MYO5A: variants seen among roughly 807,000 people sequenced by gnomAD.
MYO5A encodes unconventional myosin-Va.
Under a neutral mutation model 249.7 loss-of-function variants are expected in MYO5A, and 98 were observed. That is an observed-to-expected ratio of 0.39 (90% CI 0.33 to 0.46). The LOEUF is 0.46. Ranked by LOEUF, MYO5A falls within the 20% of genes least tolerant of loss-of-function variation. MYO5A has a pLI of 0.98. For synonymous variants in MYO5A, 778 were observed against 810.6 expected, an observed-to-expected ratio of 0.96 and a Z score of 0.68; for missense variants, 1,696 against 2,308.8, an observed-to-expected ratio of 0.73 and a Z score of 5.44.
intron 27 of MYO5A, among the ~76,000 whole-genome samples, chr15:52,352,102 C>A (rs762654018): frequency 1.3e-5 from 2 of 152,174 alleles, no homozygotes; most frequent in African/African-American, 2.4e-5. Context: ...GTGGGCAGAG[C>A]CTTGGGAGGC....
Position 52,351,344 on chromosome 15 carries a change from G to A in MYO5A, c.3759C>T (p.Thr1253=), listed in dbSNP as rs2039941604. ...PAYRVLMEQL[T]SVSEELDVRK... ...GGACATCAAGCTCCTCGCTCACAGA[G>A]GTCAGCTGCTCCATGAGGACACGGT... is the stretch of plus-strand genomic sequence containing the variant. Residue 1253 remains threonine, a synonymous_variant, in exon 28 of 42, where the codon ACC becomes ACT. Coordinates refer to ENST00000399233, the MANE Select transcript of MYO5A (RefSeq NM_001382347.1). 8 of 1,614,082 alleles carry A rather than the reference G, an allele frequency of 5.0e-6. No homozygotes were observed. Among genetic ancestry groups the A allele is most frequent in the Non-Finnish European group, 6.8e-6 (8 of 1,180,048 alleles).
intron 1 of MYO5A, among the ~76,000 whole-genome samples, chr15:52,455,194 A>C (rs1378691025): frequency 6.6e-6 from 1 of 152,114 alleles, no homozygotes; most frequent in African/African-American, 2.4e-5. Flanking sequence ...ACTATATGCC[A>C]ACAAATTGGA....
At chr15:52,418,959 C>A (rs1346774713) in intron 4 of MYO5A, among the ~76,000 whole-genome samples, 2 of 152,092 alleles carry the variant, frequency 1.3e-5, no homozygotes, top group Non-Finnish European at 2.9e-5. Flanking sequence ...ATGGTCATAC[C>A]AAACACTATT....
At chr15:52,462,280 G>A (rs199665062) in intron 1 of MYO5A, among the ~76,000 whole-genome samples, 92 of 107,922 alleles carry the variant, frequency 8.5e-4, no homozygotes, top group Admixed American at 1.1e-3. Flanking sequence ...AAAAAAAAAA[G>A]GTTTGATCAA....
At chr15:52,477,258 C>G (rs1277677803) in intron 1 of MYO5A, among the ~76,000 whole-genome samples, 3 of 152,196 alleles carry the variant, frequency 2.0e-5, no homozygotes, top group Admixed American at 2.0e-4. Flanking sequence ...AATTTAAGGT[C>G]TTCTCTACGC....
At chr15:52,479,055 G>A (rs1300612690) in intron 1 of MYO5A, among the ~76,000 whole-genome samples, 1 of 151,954 alleles carries the variant, frequency 6.6e-6, no homozygotes, top group African/African-American at 2.4e-5. Context: ...GAGTGCAGTG[G>A]CGTGATCTCA....
chr15:52,503,467 A>G (rs899333109), intron 1 of MYO5A, among the ~76,000 whole-genome samples: 1 of 554 alleles, frequency 1.8e-3, no homozygotes, highest in African/African-American at 0.026. Flanking sequence ...GCTGTCTCTA[A>G]AAAAAAAAAT....
At position 52,400,187 on chromosome 15, in the gene MYO5A, T is replaced by A. The variant is rs192823143; in HGVS notation, c.1054-2721A>T. 9.1e-4 allele frequency among the ~76,000 whole-genome samples: 138 copies of A among 152,334 alleles called. 1 individual carries two copies. The highest frequency in any genetic ancestry group is 3.1e-3 in the African/African-American group (128 of 41,582). Reference sequence around the variant, plus strand: ...TTTGATTTTTTTCAATCCATTTTCCTCTCTACTAGTTTGAAAGGTTTACTT... The same window carrying A: ...TTTGATTTTTTTCAATCCATTTTCCACTCTACTAGTTTGAAAGGTTTACTT... On this transcript the variant is annotated intron_variant, in intron 9 of 41. Transcript: ENST00000399233.
At chr15:52,495,831 T>G (rs2077026943) in intron 1 of MYO5A, among the ~76,000 whole-genome samples, 1 of 152,194 alleles carries the variant, frequency 6.6e-6, no homozygotes, top group Non-Finnish European at 1.5e-5. Flanking sequence ...AGTCTTATTT[T>G]ATAATTTTAT....
At chr15:52,404,024 G>A (rs1346617710) in intron 9 of MYO5A, among the ~76,000 whole-genome samples, 1 of 152,116 alleles carries the variant, frequency 6.6e-6, no homozygotes, top group Non-Finnish European at 1.5e-5. Flanking sequence ...CCAGCACTTT[G>A]GGAGGCCAAG....
intron 27 of MYO5A, 133 bp downstream of exon 27, chr15:52,353,472 G>A (rs2040053364): frequency 1.3e-6 from 1 of 766,886 alleles, no homozygotes; most frequent in Admixed American, 2.1e-5. Context: ...AAGTAATGCT[G>A]AATAAGGCTG....
At chr15:52,471,761 C>A (rs775763426) in intron 1 of MYO5A, among the ~76,000 whole-genome samples, 5 of 152,124 alleles carry the variant, frequency 3.3e-5, no homozygotes, top group Non-Finnish European at 7.4e-5. Flanking sequence ...TGCAGTGGTG[C>A]ATTCATGGCT....
intron 23 of MYO5A, 35 bp downstream of exon 23, chr15:52,366,996 G>A (rs780047459): frequency 1.6e-5 from 24 of 1,502,044 alleles, no homozygotes; most frequent in Non-Finnish European, 2.1e-5. Flanking sequence ...TTTGGTGTGA[G>A]GTTGGTTGGC....
intron 25 of MYO5A, among the ~76,000 whole-genome samples, chr15:52,357,296 T>G (rs1368638135): frequency 6.6e-6 from 1 of 152,058 alleles, no homozygotes; most frequent in African/African-American, 2.4e-5. Context: ...TCTTACACTG[T>G]CATAGAACCT....
intron 18 of MYO5A, among the ~76,000 whole-genome samples, chr15:52,376,923 C>T (rs920600042): frequency 6.6e-6 from 1 of 152,016 alleles, no homozygotes; most frequent in Non-Finnish European, 1.5e-5. Flanking sequence ...AGGATTACAG[C>T]GGGCTGTATA....
rs2040435746 is a variant in MYO5A at position 52,359,967 on chromosome 15, C to T, written c.3423+1G>A. 3 of 1,594,492 alleles carry T rather than the reference C, an allele frequency of 1.9e-6. No individual in the cohort carries two copies. The highest frequency in any genetic ancestry group is 1.7e-6 in the Non-Finnish European group (2 of 1,163,264). On this transcript the variant is annotated splice_donor_variant, in intron 25 of 41. Coordinates refer to ENST00000399233, the MANE Select transcript of MYO5A (RefSeq NM_001382347.1). LOFTEE classifies it high-confidence loss of function. Reference sequence around the variant, plus strand: ...TTCAGTGACAGATGTCTAAACTGTACCTCTGTCCTTGATGGAATGTCTTCC... The same window carrying T: ...TTCAGTGACAGATGTCTAAACTGTATCTCTGTCCTTGATGGAATGTCTTCC...
In MYO5A at chr15:52,384,024, T is replaced by C. The variant is rs879083940; in HGVS notation, c.1914+137A>G. The C allele has an allele frequency of 1.4e-5, 14 of 966,912 alleles. No homozygotes were observed. The East Asian group carries it at 3.1e-4, about 21-fold the overall frequency. The allele number at this position is 966,912 out of a possible 1,614,324, so 59.9% of individuals were successfully genotyped here. A position where few individuals can be genotyped will look rare whatever the true frequency, so the allele number is the denominator to read the frequency against. ...GGTGGAGAAGAGTTTTAGTGGATGGTGTCGTATGATCTCACAGTGAAAGCT... is the reference window on the plus strand; with the variant it reads ...GGTGGAGAAGAGTTTTAGTGGATGGCGTCGTATGATCTCACAGTGAAAGCT... On this transcript the variant is annotated intron_variant, in intron 15 of 41. Transcript: ENST00000399233.
intron 19 of MYO5A, 97 bp downstream of exon 19, chr15:52,376,250 T>G: frequency 1.8e-6 from 2 of 1,110,652 alleles, no homozygotes; most frequent in East Asian, 2.5e-5. Flanking sequence ...TAAGAAAAGG[T>G]GAGGTGTTAT....
At chr15:52,383,009 A>G (rs1198558163) in intron 16 of MYO5A, 82 bp downstream of exon 16, 5 of 1,212,336 alleles carry the variant, frequency 4.1e-6, no homozygotes, top group East Asian at 2.3e-5. Flanking sequence ...TAAAAATGTA[A>G]GGAAAATATT....
Sources: gnomAD v4.1 joint callset for allele counts (sites outside exome capture counted in the v4.1 genomes callset) on GRCh38, gnomAD v4.1.1 for gene constraint, MANE v1.5 for transcripts, NCBI Gene and HGNC (gene_info 2026-07-23, HGNC 2026-07-21) for gene names.